The following TCF12 variants were observed in gnomAD, a reference collection of about 807,000 sequenced individuals.
The protein encoded by TCF12 is DNA-binding protein HTF4.
TCF12 carries 45 observed loss-of-function variants against 86.0 expected under a neutral mutation model. The observed-to-expected ratio is 0.52, with a 90% CI of 0.41 to 0.67. The LOEUF (loss-of-function observed/expected upper bound fraction) is 0.67, where lower values mean the gene tolerates loss of function less well. Ranked by LOEUF, TCF12 falls within the 30% of genes least tolerant of loss-of-function variation. The pLI is 0.00. For synonymous variants in TCF12, 330 were observed against 299.6 expected (o/e 1.10, Z -1.05); for missense variants, 881 against 859.9 (o/e 1.02, Z -0.31).
In TCF12 at chr15:57,076,846, A is replaced by G. The variant is rs548302686; in HGVS notation, c.222+13023A>G. 1.6e-4 allele frequency among the ~76,000 whole-genome samples: 24 copies of G among 152,258 alleles called. 1 individual carries two copies. In the South Asian group the frequency reaches 5.0e-3, roughly 32 times the overall value. ...TTGTTTCTGTATAAGATGTCAAGTC[A>G]GGTCAACGTTAATTTTTTTTTCATA... On this transcript the variant is annotated intron_variant, in intron 4 of 20. Coordinates refer to ENST00000333725, the MANE Select transcript of TCF12 (RefSeq NM_207037.2).
intron 16 of TCF12, among the ~76,000 whole-genome samples, chr15:57,257,111 T>C (rs1474519243): frequency 6.6e-6 from 1 of 152,236 alleles, no homozygotes; most frequent in Non-Finnish European, 1.5e-5. Flanking sequence ...AATAAAACTT[T>C]ATTTACAAAA....
At chr15:57,015,871 C>A (rs951243952) in intron 3 of TCF12, among the ~76,000 whole-genome samples, 2 of 152,174 alleles carry the variant, frequency 1.3e-5, no homozygotes, top group Non-Finnish European at 2.9e-5. Context: ...GATCTCATGA[C>A]TTCTTGGTCC....
intron 3 of TCF12, among the ~76,000 whole-genome samples, chr15:57,044,441 T>C (rs1015820695): frequency 6.6e-5 from 10 of 152,208 alleles, no homozygotes; most frequent in Non-Finnish European, 1.2e-4. Flanking sequence ...AAGTTACTTA[T>C]ATTGTCATTT....
At chr15:57,217,833 A>C (rs1254106222) in intron 8 of TCF12, among the ~76,000 whole-genome samples, 1 of 152,160 alleles carries the variant, frequency 6.6e-6, no homozygotes, top group East Asian at 1.9e-4. Context: ...TGCTATTGTT[A>C]ATTGTGAATC....
intron 3 of TCF12, among the ~76,000 whole-genome samples, chr15:56,993,513 C>CA (rs1394666087): frequency 6.6e-6 from 1 of 152,114 alleles, no homozygotes; most frequent in Non-Finnish European, 1.5e-5. Flanking sequence ...AGGGATGCCT[C>CA]AGAGAATTGG....
At chr15:57,070,245 A>G (rs1427701184) in intron 4 of TCF12, among the ~76,000 whole-genome samples, 1 of 152,076 alleles carries the variant, frequency 6.6e-6, no homozygotes, top group Non-Finnish European at 1.5e-5. Context: ...TTTTGTTTCA[A>G]TACATGCTAT....
At chr15:57,069,880 A>T (rs1185704721) in intron 4 of TCF12, among the ~76,000 whole-genome samples, 1 of 152,256 alleles carries the variant, frequency 6.6e-6, no homozygotes, top group African/African-American at 2.4e-5. Flanking sequence ...CAGTTTAGCA[A>T]GTATAGTGTA....
intron 5 of TCF12, among the ~76,000 whole-genome samples, chr15:57,098,340 A>G (rs1455827643): frequency 1.3e-5 from 2 of 152,046 alleles, no homozygotes; most frequent in African/African-American, 2.4e-5. Context: ...GCCTTTTTCT[A>G]CATTATAGCT....
At chr15:57,041,706 G>A (rs1381373831) in intron 3 of TCF12, among the ~76,000 whole-genome samples, 1 of 151,988 alleles carries the variant, frequency 6.6e-6, no homozygotes, top group Admixed American at 6.6e-5. Flanking sequence ...AACTCTTGGA[G>A]TTAAAAATAC....
At chr15:57,158,181 G>A (rs1283991763) in intron 5 of TCF12, among the ~76,000 whole-genome samples, 1 of 131,704 alleles carries the variant, frequency 7.6e-6, no homozygotes, top group Non-Finnish European at 1.7e-5. Context: ...GTCTCAGAAA[G>A]TCGTTTCTTT....
At chr15:57,117,285 G>T (rs953061705) in intron 5 of TCF12, among the ~76,000 whole-genome samples, 1 of 151,926 alleles carries the variant, frequency 6.6e-6, no homozygotes, top group African/African-American at 2.4e-5. Flanking sequence ...CCCTGCCTCT[G>T]CCTCCCAAAA....
At chr15:56,950,301 C>T (rs146088348) in intron 3 of TCF12, among the ~76,000 whole-genome samples, 31 of 152,300 alleles carry the variant, frequency 2.0e-4, no homozygotes, top group African/African-American at 7.2e-4. Flanking sequence ...TATCGGTTCA[C>T]AGCAACCTCT....
intron 4 of TCF12, among the ~76,000 whole-genome samples, chr15:57,069,042 A>G (rs1461326209): frequency 6.6e-6 from 1 of 152,196 alleles, no homozygotes; most frequent in Non-Finnish European, 1.5e-5. Flanking sequence ...GGAAATGTCA[A>G]GAGGCCAGGT....
intron 18 of TCF12, 132 bp downstream of exon 18, chr15:57,263,406 G>GTCTCATTTAATCACCACATCATCTCTA (rs2060682840): frequency 2.2e-6 from 2 of 905,504 alleles, no homozygotes; most frequent in Non-Finnish European, 3.3e-6. Flanking sequence ...TGTGTATGTT[G>GTCTCATTTAATCACCACATCATCTCTA]TCTCATTTAA....
chr15:57,186,612 C>A (rs1293040498), intron 6 of TCF12, among the ~76,000 whole-genome samples: 1 of 152,146 alleles, frequency 6.6e-6, no homozygotes, highest in Admixed American at 6.5e-5. Context: ...TCTGTGAAGC[C>A]AGCATAATTC....
chr15:57,267,954 G>A (rs1455093289), intron 18 of TCF12, among the ~76,000 whole-genome samples: 1 of 152,102 alleles, frequency 6.6e-6, no homozygotes, highest in Non-Finnish European at 1.5e-5. Context: ...TTTGCACACG[G>A]TCTAGCACAC....
intron 3 of TCF12, among the ~76,000 whole-genome samples, chr15:56,928,752 G>C (rs1373229236): frequency 6.6e-6 from 1 of 152,180 alleles, no homozygotes; most frequent in East Asian, 1.9e-4. Flanking sequence ...ACCGCCACTT[G>C]AATGTAGCAT....
At chr15:57,215,291 GGAA>G (rs1165189031) in intron 8 of TCF12, among the ~76,000 whole-genome samples, 1 of 152,128 alleles carries the variant, frequency 6.6e-6, no homozygotes, top group African/African-American at 2.4e-5. Context: ...AGGTAGATGA[GGAA>G]GAAGAGGCAT....
chr15:57,007,943 TTTTC>T (rs1419643740), intron 3 of TCF12, among the ~76,000 whole-genome samples: 2 of 147,918 alleles, frequency 1.4e-5, no homozygotes, highest in Non-Finnish European at 3.0e-5. Flanking sequence ...TTTCTTTCTT[TTTTC>T]TTTCTTTCTC....
Sources: gnomAD v4.1 joint callset for allele counts (sites outside exome capture counted in the v4.1 genomes callset) on GRCh38, gnomAD v4.1.1 for gene constraint, MANE v1.5 for transcripts, NCBI Gene and HGNC (gene_info 2026-07-23, HGNC 2026-07-21) for gene names.